The following BFSP2 variants were observed in gnomAD, a reference collection of about 807,000 sequenced individuals.
BFSP2 encodes the protein phakinin.
BFSP2 carries 38 observed loss-of-function variants against 44.9 expected under a neutral mutation model. That is an observed-to-expected ratio of 0.85 (90% CI 0.65 to 1.11). The LOEUF is 1.11. Among genes scored for constraint, BFSP2 ranks in the 50% least tolerant of loss-of-function variants. BFSP2 has a pLI of 0.00. For synonymous variants in BFSP2, 197 were observed against 209.9 expected, an observed-to-expected ratio of 0.94 and a Z score of 0.53; for missense variants, 525 against 533.0, an observed-to-expected ratio of 0.99 and a Z score of 0.15.
At chr3:133,419,104 G>A (rs1576565560) in intron 1 of BFSP2, among the ~76,000 whole-genome samples, 2 of 151,922 alleles carry the variant, frequency 1.3e-5, no homozygotes, top group East Asian at 4.0e-4. Context: ...TCTTCACCCC[G>A]TGTCCTCACA....
chr3:133,414,035 CCTCT>C (rs147941482), intron 1 of BFSP2, among the ~76,000 whole-genome samples: 2 of 148,146 alleles, frequency 1.4e-5, no homozygotes, highest in Admixed American at 6.7e-5. Context: ...TCACCCCTGC[CCTCT>C]CTCCCCTACT....
At chr3:133,448,750 C>T (rs1043631012) in intron 3 of BFSP2, 105 bp downstream of exon 3, 6 of 1,431,962 alleles carry the variant, frequency 4.2e-6, no homozygotes, top group Admixed American at 3.9e-5. Context: ...TGACTCTCCA[C>T]ATTGCGTGCC....
At chr3:133,445,370 GA>G (rs1420161844) in intron 1 of BFSP2, 1 of 152,248 alleles carries the variant, frequency 6.6e-6, no homozygotes, top group Admixed American at 6.5e-5. Context: ...TAAGCCCCTG[GA>G]AAGCTTGCTG....
chr3:133,417,999 T>G (rs1440955511), intron 1 of BFSP2, among the ~76,000 whole-genome samples: 1 of 139,670 alleles, frequency 7.2e-6, no homozygotes, highest in Non-Finnish European at 1.5e-5. Context: ...CTAGACCCTA[T>G]CCTCTCCATT....
chr3:133,471,927 C>G (rs1290622071), intron 5 of BFSP2, among the ~76,000 whole-genome samples: 1 of 151,982 alleles, frequency 6.6e-6, no homozygotes, highest in Non-Finnish European at 1.5e-5. Context: ...AGGGGTCCCC[C>G]GGGGAGTGAA....
At chr3:133,425,625 T>C (rs1423382287) in intron 1 of BFSP2, among the ~76,000 whole-genome samples, 6 of 151,912 alleles carry the variant, frequency 3.9e-5, no homozygotes, top group African/African-American at 1.5e-4. Flanking sequence ...CAACCCTCAC[T>C]TTCTCCCCTG....
At chr3:133,447,654 G>A (rs1320320264) in intron 2 of BFSP2, among the ~76,000 whole-genome samples, 3 of 152,088 alleles carry the variant, frequency 2.0e-5, no homozygotes, top group South Asian at 2.1e-4. Flanking sequence ...AATCACCCAG[G>A]GGCCATATAG....
rs534263733 is a variant in BFSP2 at position 133,469,400 on chromosome 3, C to T, written c.1023+2441C>T. Among the ~76,000 whole-genome samples the T allele has an allele frequency of 3.9e-5, 6 of 152,370 alleles. No individual in the cohort carries two copies. The East Asian group carries it at 5.8e-4, about 15-fold the overall frequency. On this transcript the variant is annotated intron_variant, in intron 5 of 6. Transcript: ENST00000302334. ...CAGACAGCCAAGCTGGCGAGACTTT[C>T]GGCCCCCTTTGCCAATAAGGCACTA... is the stretch of plus-strand genomic sequence containing the variant.
At chr3:133,459,597 C>T (rs1264520554) in intron 4 of BFSP2, among the ~76,000 whole-genome samples, 1 of 152,208 alleles carries the variant, frequency 6.6e-6, no homozygotes, top group African/African-American at 2.4e-5. Context: ...CCAGCCGGGC[C>T]AGCTCCTCTG....
chr3:133,425,592 A>T (rs1173321457), intron 1 of BFSP2, among the ~76,000 whole-genome samples: 1 of 152,152 alleles, frequency 6.6e-6, no homozygotes, highest in Non-Finnish European at 1.5e-5. Context: ...TAGAATGTCC[A>T]GTTGATATAT....
intron 4 of BFSP2, among the ~76,000 whole-genome samples, chr3:133,454,101 C>A (rs2073991323): frequency 3.9e-5 from 6 of 152,176 alleles, no homozygotes. Context: ...GCTTCAGGAA[C>A]CTCAGACAAC....
At position 133,409,908 on chromosome 3, in the gene BFSP2, C is replaced by T. The variant is rs9884060; in HGVS notation, c.489+9336C>T. The stretch of plus-strand genomic sequence containing the variant: ...GAGGTCCAACTGCCATAAGGATGGA[C>T]ACCAAGGAGGCTGCACTGGGGAGAA... On this transcript the variant is annotated intron_variant, in intron 1 of 6. Coordinates refer to ENST00000302334, the MANE Select transcript of BFSP2 (RefSeq NM_003571.4). 6.8e-3 allele frequency: 1,053 copies of T among 155,470 alleles called. 4 individuals carry two copies. Among genetic ancestry groups the T allele is most frequent in the Non-Finnish European group, 9.7e-3 (680 of 70,442 alleles). The allele number at this position is 155,470 out of a possible 1,614,324, so 9.6% of individuals were successfully genotyped here.
intron 1 of BFSP2, among the ~76,000 whole-genome samples, chr3:133,421,894 G>A (rs2073595807): frequency 6.6e-6 from 1 of 152,118 alleles, no homozygotes; most frequent in South Asian, 2.1e-4. Context: ...GGATCACAAG[G>A]TCAAGAGATC....
At chr3:133,474,547 CT>C (rs1350385575) in intron 6 of BFSP2, among the ~76,000 whole-genome samples, 1 of 152,212 alleles carries the variant, frequency 6.6e-6, no homozygotes, top group African/African-American at 2.4e-5. Context: ...CCAGATGTTC[CT>C]AACAAAGTAT....
At chr3:133,431,774 A>G (rs965157254) in intron 1 of BFSP2, among the ~76,000 whole-genome samples, 84 of 152,260 alleles carry the variant, frequency 5.5e-4, no homozygotes, top group African/African-American at 1.7e-3. Context: ...GGGTATTGAC[A>G]GCCAGGCTTC....
chr3:133,464,386 C>T (rs2074090579), intron 4 of BFSP2, among the ~76,000 whole-genome samples: 1 of 152,144 alleles, frequency 6.6e-6, no homozygotes, highest in African/African-American at 2.4e-5. Context: ...CTCCCTGTGC[C>T]TCAGTTTCCT....
chr3:133,419,228 G>T (rs1252261647), intron 1 of BFSP2, among the ~76,000 whole-genome samples: 1 of 152,158 alleles, frequency 6.6e-6, no homozygotes, highest in Non-Finnish European at 1.5e-5. Flanking sequence ...CCTCTTTAAA[G>T]ACCCTTTCTC....
intron 5 of BFSP2, among the ~76,000 whole-genome samples, chr3:133,469,237 G>C (rs996661903): frequency 2.6e-5 from 4 of 152,240 alleles, no homozygotes; most frequent in African/African-American, 9.6e-5. Context: ...TGCAGCCAAG[G>C]TGAGGAGCAC....
intron 1 of BFSP2, among the ~76,000 whole-genome samples, chr3:133,440,179 GACTT>G (rs1350782870): frequency 6.6e-6 from 1 of 151,922 alleles, no homozygotes; most frequent in African/African-American, 2.4e-5. Flanking sequence ...GATTGTGTGA[GACTT>G]ACTATCTTAC....
Sources: allele counts gnomAD v4.1 joint callset (sites outside exome capture counted in the v4.1 genomes callset), GRCh38; gene constraint gnomAD v4.1.1; transcripts MANE v1.5; gene names NCBI Gene and HGNC (gene_info 2026-07-23, HGNC 2026-07-21).